Variants in OR51B5 observed in about 807,000 individuals in gnomAD.
OR51B5 encodes olfactory receptor 51B5.
For synonymous variants in OR51B5, 186 were observed against 144.8 expected (o/e 1.28, Z -2.04); for missense variants, 456 against 374.6 (o/e 1.22, Z -1.79).
chr11:5,466,462 G>A (rs1851140174), intron 1 of OR51B5, among the ~76,000 whole-genome samples: 1 of 152,158 alleles, frequency 6.6e-6, no homozygotes, highest in African/African-American at 2.4e-5. Context: ...ATTGAAGTCA[G>A]TAATGTGGTT....
Position 5,389,311 on chromosome 11 carries a change from G to A in OR51B5, n.85-42401C>T, listed in dbSNP as rs117048081. On this transcript the variant is annotated intron_variant and non_coding_transcript_variant, in intron 1 of 4. Transcript: ENST00000415970. The stretch of plus-strand genomic sequence containing the variant: ...TAATACTAAAGGTGATGATGACCAT[G>A]GTACTGCTTGTGATGTTGTGAATGT... The A allele has an allele frequency of 7.9e-4, 986 of 1,251,242 alleles. 3 individuals carry two copies. The highest frequency in any genetic ancestry group is 5.0e-3 in the Middle Eastern group (26 of 5,194). The allele number at this position is 1,251,242 out of a possible 1,614,324, so 77.5% of individuals were successfully genotyped here. A position where few individuals can be genotyped will look rare whatever the true frequency, so the allele number is the denominator to read the frequency against.
chr11:5,413,089 T>C (rs1391274703), intron 1 of OR51B5, among the ~76,000 whole-genome samples: 1 of 152,102 alleles, frequency 6.6e-6, no homozygotes, highest in Non-Finnish European at 1.5e-5. Context: ...GAGACAAAAC[T>C]TCCAGAGGAA....
intron 1 of OR51B5, among the ~76,000 whole-genome samples, chr11:5,375,481 A>G (rs1191272999): frequency 1.3e-5 from 2 of 152,100 alleles, no homozygotes; most frequent in African/African-American, 4.8e-5. Flanking sequence ...CACATACAAT[A>G]TTAACTTTAA....
chr11:5,399,588 G>A (rs575902941), intron 1 of OR51B5, among the ~76,000 whole-genome samples: 2 of 152,090 alleles, frequency 1.3e-5, no homozygotes, highest in Admixed American at 6.5e-5. Flanking sequence ...CTGATTTGTT[G>A]TGTCCTATTA....
At chr11:5,372,353 C>T (rs1167876069) in intron 1 of OR51B5, among the ~76,000 whole-genome samples, 1 of 152,088 alleles carries the variant, frequency 6.6e-6, no homozygotes, top group East Asian at 1.9e-4. Flanking sequence ...CATACGTTTT[C>T]TATAATGGCT....
intron 1 of OR51B5, chr11:5,453,508 C>T (rs778549994): frequency 1.3e-6 from 2 of 1,564,416 alleles, no homozygotes; most frequent in Non-Finnish European, 8.6e-7. Context: ...TTCAATGTCA[C>T]TCACCCTGCA....
intron 1 of OR51B5, among the ~76,000 whole-genome samples, chr11:5,363,788 C>G (rs1483082661): frequency 6.6e-6 from 1 of 152,096 alleles, no homozygotes; most frequent in Non-Finnish European, 1.5e-5. Flanking sequence ...AAACTAGGGA[C>G]CATATGCAAT....
At position 5,359,502 on chromosome 11, in the gene OR51B5, A is replaced by G. The variant is rs531310127; in HGVS notation, n.85-12592T>C. On this transcript the variant is annotated intron_variant and non_coding_transcript_variant, in intron 1 of 4. Coordinates refer to the OR51B5 transcript ENST00000415970. ...CTGAATGAAATAAAAGAAGATACAA[A>G]CAAATGGAAGAACATTCCATGCTCA... Among the ~76,000 whole-genome samples the G allele has an allele frequency of 2.3e-5, 3 of 130,266 alleles. No homozygotes were observed. In the South Asian group the frequency reaches 7.5e-4, roughly 33 times the overall value. 85.5% of individuals were successfully genotyped at this position (130,266 alleles called of 152,430 possible).
At chr11:5,495,366 T>C (rs774389232) in intron 1 of OR51B5, among the ~76,000 whole-genome samples, 39 of 152,140 alleles carry the variant, frequency 2.6e-4, no homozygotes, top group Admixed American at 1.3e-3. Flanking sequence ...AGTATAAAAG[T>C]TAAAAAAACA....
chr11:5,503,456 C>T (rs74862790), intron 1 of OR51B5, among the ~76,000 whole-genome samples: 2,500 of 152,172 alleles, frequency 0.016, 79 homozygotes, highest in African/African-American at 0.057. Flanking sequence ...AGAAATATTC[C>T]CTATTTTAAA....
chr11:5,494,807 A>C (rs1851625349), intron 1 of OR51B5, among the ~76,000 whole-genome samples: 1 of 152,164 alleles, frequency 6.6e-6, no homozygotes, highest in African/African-American at 2.4e-5. Flanking sequence ...ATGTTTATTA[A>C]ATATTATTAT....
At chr11:5,373,864 G>GGCCT (rs879445103) in intron 1 of OR51B5, among the ~76,000 whole-genome samples, 20 of 152,268 alleles carry the variant, frequency 1.3e-4, no homozygotes, top group Non-Finnish European at 2.6e-4. Context: ...AGCTCAAGGA[G>GGCCT]GCCTGCCTGC....
intron 1 of OR51B5, among the ~76,000 whole-genome samples, chr11:5,353,066 A>G (rs886620371): frequency 6.6e-6 from 1 of 151,852 alleles, no homozygotes; most frequent in Non-Finnish European, 1.5e-5. Context: ...TCTCTTGCAT[A>G]TATGGAGCTG....
chr11:5,343,256 A>G (rs1456620823), exon 1 of OR51B5: 2 of 1,613,564 alleles, frequency 1.2e-6, no homozygotes, highest in East Asian at 2.2e-5. Context: ...CGCACTTCCA[A>G]TCTCCCTGTG....
chr11:5,417,748 G>A (rs1034515861), intron 1 of OR51B5, among the ~76,000 whole-genome samples: 2 of 149,990 alleles, frequency 1.3e-5, no homozygotes, highest in African/African-American at 4.9e-5. Context: ...CAGTTAGAAT[G>A]GCAATCATTA....
intron 1 of OR51B5, among the ~76,000 whole-genome samples, chr11:5,472,739 T>C (rs1393650616): frequency 6.6e-6 from 1 of 152,206 alleles, no homozygotes; most frequent in Non-Finnish European, 1.5e-5. Context: ...CCAGGAAGAA[T>C]CCATTCAGTA....
intron 1 of OR51B5, among the ~76,000 whole-genome samples, chr11:5,350,600 A>G (rs956657426): frequency 4.6e-5 from 7 of 152,126 alleles, no homozygotes; most frequent in African/African-American, 1.7e-4. Context: ...TAAAAAAAAA[A>G]TTCTCCTTGA....
chr11:5,439,378 T>C (rs923249191), intron 1 of OR51B5, among the ~76,000 whole-genome samples: 1 of 152,166 alleles, frequency 6.6e-6, no homozygotes, highest in Non-Finnish European at 1.5e-5. Flanking sequence ...TACCATATGC[T>C]TAATTGTGAT....
At chr11:5,350,994 T>A (rs1374157294) in intron 1 of OR51B5, among the ~76,000 whole-genome samples, 1 of 152,194 alleles carries the variant, frequency 6.6e-6, no homozygotes, top group Non-Finnish European at 1.5e-5. Context: ...GTGTATTTGT[T>A]TTTCCATATA....
Sources: allele counts gnomAD v4.1 joint callset (sites outside exome capture counted in the v4.1 genomes callset), GRCh38; gene constraint gnomAD v4.1.1; transcripts MANE v1.5; gene names NCBI Gene and HGNC (gene_info 2026-07-23, HGNC 2026-07-21).